The following STRIP1 variants were observed in gnomAD, a reference collection of about 807,000 sequenced individuals.
The protein encoded by STRIP1 is striatin interacting protein 1, also known as striatin-interacting protein 1.
A neutral mutation model predicts 106.2 loss-of-function variants in STRIP1; 63 were observed. The observed-to-expected ratio is 0.59, with a 90% CI of 0.48 to 0.73. The LOEUF (loss-of-function observed/expected upper bound fraction) is 0.73, where lower values mean the gene tolerates loss of function less well. STRIP1 is among the 30% of genes least tolerant of loss of function. STRIP1 has a pLI of 0.00. For missense variants in STRIP1, 857 were observed against 1,074.8 expected (o/e 0.80, Z 2.83); for synonymous variants, 390 against 413.0 (o/e 0.94, Z 0.67).
intron 16 of STRIP1, 98 bp from the exon 17 acceptor site, chr1:110,049,362 C>A: frequency 4.5e-6 from 7 of 1,555,114 alleles, no homozygotes; most frequent in Non-Finnish European, 5.3e-6. Flanking sequence ...TGTTCTAAGA[C>A]ATGGCCCTTC....
Position 110,045,938 on chromosome 1 carries a change from C to T in STRIP1, c.1417-742C>T, listed in dbSNP as rs954897832. Among the ~76,000 whole-genome samples, 2 of 152,126 alleles carry T rather than the reference C, an allele frequency of 1.3e-5. 1 individual carries two copies. The highest frequency in any genetic ancestry group is 3.8e-4 in the East Asian group (2 of 5,206). On this transcript the variant is annotated intron_variant, in intron 12 of 20. Transcript: ENST00000369795. ...TTTCGCAAACCCCTGTCCCTCCACACGGGAGAGAACATTAAGAGTGGGGAA... is the reference window on the plus strand; with the variant it reads ...TTTCGCAAACCCCTGTCCCTCCACATGGGAGAGAACATTAAGAGTGGGGAA...
chr1:110,041,248 C>T (rs72976679), intron 6 of STRIP1: 4,489 of 251,320 alleles, frequency 0.018, 202 homozygotes, highest in African/African-American at 0.092. Context: ...GATCCCTGGG[C>T]GTCACCTCTC....
At chr1:110,044,814 TTCTC>T (rs201177232) in intron 10 of STRIP1, 22 bp from the exon 11 acceptor site, 2 of 1,612,824 alleles carry the variant, frequency 1.2e-6, no homozygotes, top group Admixed American at 1.7e-5. Context: ...CCTTTTTTCT[TTCTC>T]TCTTTTTTGG....
At chr1:110,041,889 G>A (rs763150463) in intron 8 of STRIP1, 28 bp downstream of exon 8, 30 of 1,610,538 alleles carry the variant, frequency 1.9e-5, no homozygotes, top group African/African-American at 2.7e-5. Context: ...GGAGGAGAAC[G>A]GTGCTATGGG....
intron 5 of STRIP1, 53 bp from the exon 6 acceptor site, chr1:110,040,582 A>G: frequency 5.2e-6 from 8 of 1,542,762 alleles, no homozygotes; most frequent in Non-Finnish European, 7.0e-6. Context: ...TGTCAGGGAC[A>G]TCACTTATCT....
chr1:110,050,286 C>T, intron 17 of STRIP1, 57 bp from the exon 18 acceptor site: 1 of 1,573,856 alleles, frequency 6.4e-7, no homozygotes, highest in East Asian at 2.2e-5. Flanking sequence ...CACGGCTGCT[C>T]CACCAGGCCC....
intron 9 of STRIP1, 104 bp downstream of exon 9, chr1:110,043,374 C>A: frequency 8.1e-7 from 1 of 1,236,366 alleles, no homozygotes; most frequent in Non-Finnish European, 1.1e-6. Context: ...GATCTCTGAT[C>A]AGCCAGTCAG....
At chr1:110,032,905 T>A (rs1652262145), upstream of STRIP1, among the ~76,000 whole-genome samples, 1 of 152,206 alleles carries the variant, frequency 6.6e-6, no homozygotes, top group South Asian at 2.1e-4. Flanking sequence ...TCTCCCTGGT[T>A]AACACCCTCG....
chr1:110,038,043 G>C, intron 2 of STRIP1, 83 bp downstream of exon 2: 1 of 601,170 alleles, frequency 1.7e-6, no homozygotes, highest in Non-Finnish European at 2.8e-6. Flanking sequence ...TATCATTTAG[G>C]GCTTCATTGC....
At chr1:110,047,955 G>C in intron 15 of STRIP1, 86 bp downstream of exon 15, 1 of 1,171,296 alleles carries the variant, frequency 8.5e-7, no homozygotes, top group African/African-American at 1.5e-5. Context: ...GTTGGTTGTT[G>C]TTGGCCCAGC....
intron 1 of STRIP1, among the ~76,000 whole-genome samples, 156 bp downstream of exon 1, chr1:110,034,973 G>A (rs1027793781): frequency 2.0e-5 from 3 of 152,258 alleles, no homozygotes; most frequent in Admixed American, 2.0e-4. Flanking sequence ...AGGAAGCGAG[G>A]CTGGCAGCTC....
In STRIP1 at chr1:110,046,009, T is replaced by G. The variant is rs1353383627; in HGVS notation, c.1417-671T>G. On this transcript the variant is annotated intron_variant, in intron 12 of 20. Transcript: ENST00000369795. ...TATCTGGAGTGAAACTGTTTTTATG[T>G]TTTTGAAATATATTTTTGGAATTTG... Among the ~76,000 whole-genome samples the G allele has an allele frequency of 3.9e-5, 6 of 152,256 alleles. No homozygotes were observed. In the East Asian group the frequency reaches 1.2e-3, roughly 29 times the overall value.
Position 110,047,578 on chromosome 1 carries a change from C to T in STRIP1, c.1525C>T (p.Leu509Phe), listed in dbSNP as rs1405594511. Residue 509 changes from leucine to phenylalanine, a missense_variant, in exon 14 of 21, where the codon CTC (leucine) becomes TTC (phenylalanine). Around this residue, in one of 2 missense-constraint regions of STRIP1, gnomAD observed 750 missense variants for 989.8 expected, o/e 0.76. Transcript: ENST00000369795. ...AGTTGAGCAAGTCCCTGCAGAAACC[C>T]TCTACCAAGGCTTGCTCCCCAGCCT... ...EEVEQVPAET[L>F]YQGLLPSLPQ... 4 of 1,612,046 alleles carry T rather than the reference C, an allele frequency of 2.5e-6. No homozygotes were observed. The highest frequency in any genetic ancestry group is 1.3e-5 in the African/African-American group (1 of 75,040).
At chr1:110,047,680 C>T (rs530281885) in intron 14 of STRIP1, 64 bp downstream of exon 14, 36 of 1,553,226 alleles carry the variant, frequency 2.3e-5, no homozygotes, top group Non-Finnish European at 2.9e-5. Context: ...CTGCCGTCCT[C>T]CTGCCACCTG....
At chr1:110,047,361 G>A (rs1239124296) in intron 13 of STRIP1, among the ~76,000 whole-genome samples, 181 bp from the exon 14 acceptor site, 1 of 152,220 alleles carries the variant, frequency 6.6e-6, no homozygotes, top group Non-Finnish European at 1.5e-5. Flanking sequence ...TAATAAGGAT[G>A]AACTGAGTTA....
rs1348335250 is a variant in STRIP1 at position 110,054,104 on chromosome 1, G to A, written c.*192G>A. ...CCCTTGGTTCCCAGGGTCCTGCTCC[G>A]AAGCAGTCATCTCTGCCTGAGATCC... On this transcript the variant is annotated 3_prime_UTR_variant, in exon 21 of 21. Coordinates refer to ENST00000369795, the MANE Select transcript of STRIP1 (RefSeq NM_033088.4). 2.3e-5 allele frequency: 14 copies of A among 608,064 alleles called. No homozygotes were observed. Among genetic ancestry groups the A allele is most frequent in the Non-Finnish European group, 3.2e-5 (11 of 348,036 alleles). 37.7% of individuals were successfully genotyped at this position (608,064 alleles called of 1,614,324 possible).
chr1:110,038,072 ATAT>A, intron 2 of STRIP1, 112 bp downstream of exon 2: 1 of 3,676 alleles, frequency 2.7e-4, no homozygotes, highest in South Asian at 0.019. Flanking sequence ...GTTCTATCAA[ATAT>A]ATATATATAT....
intron 8 of STRIP1, 34 bp from the exon 9 acceptor site, chr1:110,043,054 T>C: frequency 1.9e-6 from 3 of 1,578,980 alleles, no homozygotes; most frequent in Non-Finnish European, 2.6e-6. Flanking sequence ...GTGGACACAT[T>C]GACCCTGGCT....
chr1:110,050,578 TC>T (rs1465818741), intron 18 of STRIP1, among the ~76,000 whole-genome samples, 169 bp downstream of exon 18: 2 of 152,212 alleles, frequency 1.3e-5, no homozygotes, highest in Non-Finnish European at 2.9e-5. Flanking sequence ...GGAGGAGGGC[TC>T]TTGCAGAGCA....
Sources: allele counts gnomAD v4.1 joint callset (sites outside exome capture counted in the v4.1 genomes callset), GRCh38; gene constraint gnomAD v4.1.1; regional missense constraint gnomAD v4.1.1; transcripts MANE v1.5; gene names NCBI Gene and HGNC (gene_info 2026-07-23, HGNC 2026-07-21).